CGNL1: variants seen among roughly 807,000 people sequenced by gnomAD.
CGNL1 encodes cingulin like 1.
CGNL1 carries 132 observed loss-of-function variants against 141.2 expected under a neutral mutation model. That is an observed-to-expected ratio of 0.93 (90% CI 0.81 to 1.08). CGNL1 has a LOEUF of 1.08. Among genes scored for constraint, CGNL1 ranks in the 50% least tolerant of loss-of-function variants. The probability of loss-of-function intolerance (pLI) is 0.00; values close to 1 mark genes in which losing one functional copy is unlikely to be tolerated. For synonymous variants in CGNL1, 690 were observed against 622.1 expected (o/e 1.11, Z -1.63); for missense variants, 1,870 against 1,588.6 (o/e 1.18, Z -3.01).
Position 57,549,870 on chromosome 15 carries a change from A to G in CGNL1, c.*2380A>G, listed in dbSNP as rs1194199720. On this transcript the variant is annotated 3_prime_UTR_variant, in exon 19 of 19. Coordinates refer to ENST00000281282, the MANE Select transcript of CGNL1 (RefSeq NM_032866.5). ...TCATAATTTCCCTGCTGCTTCTCCC[A>G]TCGTTAGACATCTGCCAGTAAGCCT... 1 of 152,144 alleles carries G rather than the reference A, an allele frequency of 6.6e-6. No individual in the cohort carries two copies. Among genetic ancestry groups the G allele is most frequent in the African/African-American group, 2.4e-5 (1 of 41,424 alleles). 9.4% of individuals were successfully genotyped at this position (152,144 alleles called of 1,614,324 possible).
At chr15:57,396,435 G>C (rs1386946666) in intron 1 of CGNL1, among the ~76,000 whole-genome samples, 2 of 152,042 alleles carry the variant, frequency 1.3e-5, no homozygotes, top group Non-Finnish European at 2.9e-5. Flanking sequence ...CACCATGCCT[G>C]GCTAATTTTT....
chr15:57,468,378 C>A (rs1169386269), intron 8 of CGNL1, among the ~76,000 whole-genome samples: 1 of 151,428 alleles, frequency 6.6e-6, no homozygotes, highest in African/African-American at 2.4e-5. Flanking sequence ...GGAACTAGGA[C>A]TACAGCTGCA....
chr15:57,448,515 G>A (rs1595715117), intron 4 of CGNL1, among the ~76,000 whole-genome samples: 1 of 151,968 alleles, frequency 6.6e-6, no homozygotes. Context: ...AGGTGTGATG[G>A]TGCGCACCTG....
chr15:57,412,963 G>A lies in CGNL1; in HGVS notation c.-15-25022G>A, dbSNP rs546069316. On this transcript the variant is annotated intron_variant, in intron 1 of 18. Coordinates refer to ENST00000281282, the MANE Select transcript of CGNL1 (RefSeq NM_032866.5). ...CAACTTCTGCCTCCTGGGTTCAAGG[G>A]ATTTCTCCTGCCTCAGCCTCCTGAG... Among the ~76,000 whole-genome samples the A allele has an allele frequency of 2.0e-5, 3 of 152,180 alleles. No individual in the cohort carries two copies. The South Asian group carries it at 6.2e-4, about 32-fold the overall frequency.
intron 4 of CGNL1, among the ~76,000 whole-genome samples, chr15:57,444,318 C>T (rs1409376326): frequency 6.6e-6 from 1 of 152,064 alleles, no homozygotes; most frequent in Non-Finnish European, 1.5e-5. Context: ...ATCTGTATAA[C>T]ATAGTGTGTA....
intron 4 of CGNL1, among the ~76,000 whole-genome samples, chr15:57,445,727 G>C (rs2063242254): frequency 6.6e-6 from 1 of 152,306 alleles, no homozygotes; most frequent in East Asian, 1.9e-4. Flanking sequence ...TCAGGGATGT[G>C]TGAGCCAAGA....
intron 3 of CGNL1, among the ~76,000 whole-genome samples, 153 bp downstream of exon 3, chr15:57,440,624 A>G (rs1349005279): frequency 6.6e-6 from 1 of 151,972 alleles, no homozygotes; most frequent in African/African-American, 2.4e-5. Flanking sequence ...TCGTGACGGC[A>G]TTTGTCTTGT....
At chr15:57,378,843 C>T (rs1005117455) in intron 1 of CGNL1, among the ~76,000 whole-genome samples, 56 of 152,172 alleles carry the variant, frequency 3.7e-4, no homozygotes, top group Non-Finnish European at 7.1e-4. Flanking sequence ...TCTCGCTTTT[C>T]CCCAACTTCC....
At chr15:57,490,942 T>C (rs186268205) in intron 8 of CGNL1, among the ~76,000 whole-genome samples, 2 of 152,154 alleles carry the variant, frequency 1.3e-5, no homozygotes, top group African/African-American at 4.8e-5. Context: ...ATCCTGCAAA[T>C]ATACCTTGCG....
intron 1 of CGNL1, among the ~76,000 whole-genome samples, chr15:57,422,734 G>A (rs1047721245): frequency 2.0e-5 from 3 of 152,182 alleles, no homozygotes; most frequent in Non-Finnish European, 4.4e-5. Context: ...TAAGGCGAAG[G>A]TGAGGCACCT....
At chr15:57,436,776 T>C (rs1332136427) in intron 1 of CGNL1, among the ~76,000 whole-genome samples, 2 of 152,120 alleles carry the variant, frequency 1.3e-5, no homozygotes, top group Non-Finnish European at 2.9e-5. Flanking sequence ...GCTAGTTCTT[T>C]AGGGAAACAA....
At chr15:57,522,616 C>A (rs1402962144) in intron 10 of CGNL1, among the ~76,000 whole-genome samples, 1 of 152,146 alleles carries the variant, frequency 6.6e-6, no homozygotes, top group Non-Finnish European at 1.5e-5. Context: ...ATCCTTGTAC[C>A]TATGGCCCTA....
At chr15:57,475,197 A>C (rs2063636176) in intron 8 of CGNL1, among the ~76,000 whole-genome samples, 1 of 152,118 alleles carries the variant, frequency 6.6e-6, no homozygotes, top group Admixed American at 6.5e-5. Flanking sequence ...GCTTCCCTTC[A>C]GTTACAGAGT....
intron 1 of CGNL1, chr15:57,402,767 G>A (rs964050983): frequency 1.3e-5 from 2 of 152,178 alleles, no homozygotes; most frequent in African/African-American, 4.8e-5. Context: ...AGAGTTCAAA[G>A]GCTTCAGCTG....
chr15:57,423,862 C>T (rs949936703), intron 1 of CGNL1, among the ~76,000 whole-genome samples: 1 of 152,212 alleles, frequency 6.6e-6, no homozygotes, highest in Admixed American at 6.5e-5. Flanking sequence ...GTGGAATCCA[C>T]GATTCTGCAT....
At chr15:57,507,931 G>A (rs1164539910) in intron 8 of CGNL1, among the ~76,000 whole-genome samples, 1 of 152,222 alleles carries the variant, frequency 6.6e-6, no homozygotes, top group Non-Finnish European at 1.5e-5. Flanking sequence ...GCAGAGGGGA[G>A]AAAGTGAAGG....
chr15:57,492,504 A>C (rs2063879943), intron 8 of CGNL1, among the ~76,000 whole-genome samples: 1 of 152,226 alleles, frequency 6.6e-6, no homozygotes, highest in African/African-American at 2.4e-5. Flanking sequence ...ACATAGAGTA[A>C]AATAAAAAAG....
intron 8 of CGNL1, among the ~76,000 whole-genome samples, chr15:57,491,995 A>G (rs1220813901): frequency 6.6e-6 from 1 of 152,180 alleles, no homozygotes; most frequent in Non-Finnish European, 1.5e-5. Flanking sequence ...GACTGAATGT[A>G]ATGTGGTATC....
At chr15:57,529,434 A>C (rs1392366907) in intron 13 of CGNL1, among the ~76,000 whole-genome samples, 1 of 152,160 alleles carries the variant, frequency 6.6e-6, no homozygotes, top group Admixed American at 6.5e-5. Context: ...ATATTAGAAA[A>C]ATGTAAATGA....
Sources: allele counts gnomAD v4.1 joint callset (sites outside exome capture counted in the v4.1 genomes callset), GRCh38; gene constraint gnomAD v4.1.1; transcripts MANE v1.5; gene names NCBI Gene and HGNC (gene_info 2026-07-23, HGNC 2026-07-21).